Variants in CDH4 observed in about 807,000 individuals in gnomAD.
CDH4 encodes the protein cadherin-4.
CDH4 carries 33 observed loss-of-function variants against 86.0 expected under a neutral mutation model. The ratio of observed to expected loss-of-function variants is 0.38; its 90% CI spans 0.29 to 0.51. CDH4 has a LOEUF of 0.51. Among genes scored for constraint, CDH4 ranks in the 20% least tolerant of loss-of-function variants. The probability of loss-of-function intolerance (pLI) is 0.86; values close to 1 mark genes in which losing one functional copy is unlikely to be tolerated. For missense variants in CDH4, 1,114 were observed against 1,307.4 expected (o/e 0.85, Z 2.28); for synonymous variants, 555 against 549.4 (o/e 1.01, Z -0.14).
chr20:61,353,672 CCCTCCTCCTCCCCCTCCTCCTCCCCT>C (rs2084728399), intron 2 of CDH4, among the ~76,000 whole-genome samples: 3 of 21,550 alleles, frequency 1.4e-4, no homozygotes, highest in African/African-American at 2.3e-4. Context: ...CTCCTCTTCC[CCCTCCTCCTCCCCCTCCTCCTCCCCT>C]CCTCCTCCTC....
chr20:61,252,734 C>T lies in CDH4; in HGVS notation c.57+164C>T, dbSNP rs763451281. On this transcript the variant is annotated intron_variant, in intron 1 of 15. Transcript: ENST00000614565. This position sits in a 1 kb window ranked among gnomAD's most constrained non-coding sequence, Gnocchi z 4.4. Reference sequence around the variant, plus strand: ...CGCCCGCGCTCGGCGAAGCTGCCTGCGGTCGGCAGGAGCGGGAAGCCGCCT... The same window carrying T: ...CGCCCGCGCTCGGCGAAGCTGCCTGTGGTCGGCAGGAGCGGGAAGCCGCCT... 7.3e-5 allele frequency among the ~76,000 whole-genome samples: 11 copies of T among 151,048 alleles called. No individual in the cohort carries two copies. Among genetic ancestry groups the T allele is most frequent in the Non-Finnish European group, 1.6e-4 (11 of 67,648 alleles).
chr20:61,692,189 G>T (rs13041808), intron 2 of CDH4, among the ~76,000 whole-genome samples: 1 of 73,514 alleles, frequency 1.4e-5, no homozygotes, highest in East Asian at 1.9e-4. Flanking sequence ...ATATGTGTCT[G>T]TATATGTTTG....
intron 2 of CDH4, among the ~76,000 whole-genome samples, chr20:61,655,367 C>G (rs925890454): frequency 2.0e-5 from 3 of 152,212 alleles, no homozygotes; most frequent in African/African-American, 7.2e-5. Flanking sequence ...AAAGTACACA[C>G]TGACACACAC....
chr20:61,482,235 G>A (rs2085572196), intron 2 of CDH4, among the ~76,000 whole-genome samples: 2 of 152,220 alleles, frequency 1.3e-5, no homozygotes, highest in Non-Finnish European at 2.9e-5. Flanking sequence ...CTCTGGCCAC[G>A]GAGGGATCCT....
chr20:61,565,251 T>TCGG (rs1555809133), intron 2 of CDH4, among the ~76,000 whole-genome samples: 6 of 79,696 alleles, frequency 7.5e-5, no homozygotes, highest in East Asian at 3.3e-4. Context: ...GGCGGTGCTC[T>TCGG]TGGTGATGGT....
intron 2 of CDH4, among the ~76,000 whole-genome samples, chr20:61,384,993 G>C (rs2084943240): frequency 6.6e-6 from 1 of 152,190 alleles, no homozygotes; most frequent in African/African-American, 2.4e-5. Context: ...TCACTGGTGA[G>C]AATCTTCCTA....
chr20:61,458,579 A>G (rs1466880282), intron 2 of CDH4, among the ~76,000 whole-genome samples: 2 of 151,976 alleles, frequency 1.3e-5, no homozygotes, highest in Non-Finnish European at 2.9e-5. Context: ...GATGATGGTG[A>G]TAATGATTTG....
At chr20:61,324,055 A>G (rs1280546838) in intron 2 of CDH4, among the ~76,000 whole-genome samples, 4 of 152,196 alleles carry the variant, frequency 2.6e-5, no homozygotes, top group Non-Finnish European at 5.9e-5. Context: ...TTACTTTTGT[A>G]TAAAAATCCA....
intron 3 of CDH4, among the ~76,000 whole-genome samples, chr20:61,757,922 C>G (rs2088585345): frequency 6.6e-6 from 1 of 152,194 alleles, no homozygotes; most frequent in East Asian, 1.9e-4. Context: ...CTGGAAGTCA[C>G]TGTCTTTGTT....
At chr20:61,764,399 A>C (rs1023847837) in intron 3 of CDH4, among the ~76,000 whole-genome samples, 3 of 152,066 alleles carry the variant, frequency 2.0e-5, no homozygotes, top group African/African-American at 7.2e-5. Flanking sequence ...TGTATTCTTG[A>C]ATGTGAGGGA....
intron 2 of CDH4, among the ~76,000 whole-genome samples, chr20:61,542,579 T>C (rs2086048297): frequency 1.3e-5 from 2 of 152,198 alleles, no homozygotes; most frequent in South Asian, 2.1e-4. Flanking sequence ...TGAACAAATA[T>C]CGTATTTTCC....
At chr20:61,431,517 G>A (rs1000696324) in intron 2 of CDH4, among the ~76,000 whole-genome samples, 1 of 151,652 alleles carries the variant, frequency 6.6e-6, no homozygotes, top group Non-Finnish European at 1.5e-5. Flanking sequence ...ATGCCACCAC[G>A]CCTGGGTAAT....
intron 2 of CDH4, among the ~76,000 whole-genome samples, chr20:61,637,296 C>G (rs2086957854): frequency 6.6e-6 from 1 of 152,170 alleles, no homozygotes; most frequent in Non-Finnish European, 1.5e-5. Flanking sequence ...TTTAACCGTT[C>G]TTAGGCTGCA....
intron 5 of CDH4, among the ~76,000 whole-genome samples, chr20:61,851,795 C>G (rs73915110): frequency 6.6e-6 from 1 of 152,140 alleles, no homozygotes; most frequent in Non-Finnish European, 1.5e-5. Context: ...GCCCCTCCTC[C>G]GAGAGGCCTC....
chr20:61,648,473 C>T (rs62197784), intron 2 of CDH4, among the ~76,000 whole-genome samples: 4,452 of 152,312 alleles, frequency 0.029, 77 homozygotes, highest in South Asian at 0.052. Context: ...CACCCGGGTC[C>T]GCAGCTCCTC....
intron 2 of CDH4, among the ~76,000 whole-genome samples, chr20:61,403,082 C>T (rs939258771): frequency 3.3e-5 from 5 of 152,206 alleles, no homozygotes; most frequent in African/African-American, 1.2e-4. Context: ...AGGGGTCTCT[C>T]CTGCCCCCAT....
intron 2 of CDH4, among the ~76,000 whole-genome samples, chr20:61,630,969 G>A (rs545791737): frequency 1.3e-5 from 2 of 152,352 alleles, no homozygotes; most frequent in East Asian, 3.9e-4. Context: ...AAGTGAGCAG[G>A]GATAGGAGGT....
chr20:61,277,992 C>G (rs1209076483), intron 2 of CDH4, among the ~76,000 whole-genome samples: 5 of 152,196 alleles, frequency 3.3e-5, no homozygotes, highest in Non-Finnish European at 7.3e-5. Context: ...AGATTCAGAG[C>G]CTGCGTTATG....
intron 2 of CDH4, among the ~76,000 whole-genome samples, chr20:61,726,416 T>G (rs551715910): frequency 6.6e-6 from 1 of 152,228 alleles, no homozygotes; most frequent in South Asian, 2.1e-4. Context: ...AATCAGGGTG[T>G]GCTGGGTGTT....
Sources: allele counts gnomAD v4.1 joint callset (sites outside exome capture counted in the v4.1 genomes callset), GRCh38; gene constraint gnomAD v4.1.1; non-coding constraint Gnocchi (gnomAD v3.1); transcripts MANE v1.5; gene names NCBI Gene and HGNC (gene_info 2026-07-23, HGNC 2026-07-21).